Variants in PRDM6 observed in about 807,000 individuals in gnomAD.
PRDM6 encodes PR/SET domain 6.
In PRDM6, 25 loss-of-function variants were observed where a neutral mutation model predicts 60.8. The ratio of observed to expected loss-of-function variants is 0.41; its 90% confidence interval spans 0.30 to 0.57. The LOEUF is 0.57. Among genes scored for constraint, PRDM6 ranks in the 20% least tolerant of loss-of-function variants. PRDM6 has a pLI of 0.27. For synonymous variants in PRDM6, 407 were observed against 357.4 expected, an observed-to-expected ratio of 1.14 and a Z score of -1.57; for missense variants, 839 against 821.3, an observed-to-expected ratio of 1.02 and a Z score of -0.26.
At position 123,112,359 on chromosome 5, in the gene PRDM6, A is replaced by C. The variant is rs1011923438; in HGVS notation, c.900+12398A>C. ...CAGTCCTATATCATATGGAGAACCC[A>C]TATGTTCCTTGCATGACATTTGTGA... On this transcript the variant is annotated intron_variant, in intron 3 of 7. Coordinates refer to ENST00000407847, the MANE Select transcript of PRDM6 (RefSeq NM_001136239.4). Among the ~76,000 whole-genome samples, 3 of 152,156 alleles carry C rather than the reference A, an allele frequency of 2.0e-5. No individual in the cohort carries two copies. The South Asian group carries it at 6.2e-4, about 32-fold the overall frequency.
chr5:123,111,419 C>T (rs1302501117), intron 3 of PRDM6, among the ~76,000 whole-genome samples: 5 of 152,214 alleles, frequency 3.3e-5, no homozygotes, highest in African/African-American at 1.2e-4. Flanking sequence ...AAAACGCCGG[C>T]AGGGCGCGGT....
At chr5:123,119,844 G>A (rs1476292608) in intron 3 of PRDM6, among the ~76,000 whole-genome samples, 1 of 152,184 alleles carries the variant, frequency 6.6e-6, no homozygotes, top group Non-Finnish European at 1.5e-5. Flanking sequence ...GTCAAGCTAA[G>A]TAGACGCATT....
Position 123,090,310 on chromosome 5 carries a change from C to T in PRDM6, c.296C>T (p.Ala99Val). 1 of 1,373,756 alleles carries T rather than the reference C, an allele frequency of 7.3e-7. No individual in the cohort carries two copies. Among genetic ancestry groups the T allele is most frequent in the Non-Finnish European group, 9.6e-7 (1 of 1,042,588 alleles). The allele number at this position is 1,373,756 out of a possible 1,614,324, so 85.1% of individuals were successfully genotyped here. ...SASSASSCAA[A>V]AAAAALAGLS... is the part of the protein sequence containing the mutation. ...TCCTCCGCCTCCTCCTGCGCTGCTG[C>T]GGCCGCTGCCGCCGCGCTGGCTGGT... Residue 99 changes from alanine (A) to valine (V), a missense_variant, in exon 2 of 8, where the codon GCG becomes GTG. Ala to Val is a moderately conservative substitution (Grantham distance 64, BLOSUM62 0). Around this residue, in one of 2 missense-constraint regions of PRDM6, gnomAD observed 730 missense variants for 648.8 expected, o/e 1.13. Transcript: ENST00000407847.
intron 2 of PRDM6, among the ~76,000 whole-genome samples, chr5:123,096,744 A>G (rs1763968502): frequency 6.6e-6 from 1 of 152,230 alleles, no homozygotes; most frequent in South Asian, 2.1e-4. Context: ...TAATGCTACT[A>G]TTAAGTTTTT....
intron 3 of PRDM6, among the ~76,000 whole-genome samples, chr5:123,110,515 A>C (rs1310247091): frequency 6.7e-6 from 1 of 148,720 alleles, no homozygotes; most frequent in African/African-American, 2.5e-5. Context: ...AGCCTCCCAA[A>C]GTGTGGGATT....
At chr5:123,134,946 G>A (rs1232815128) in intron 3 of PRDM6, among the ~76,000 whole-genome samples, 1 of 150,220 alleles carries the variant, frequency 6.7e-6, no homozygotes, top group African/African-American at 2.5e-5. Context: ...CAGGCAATAA[G>A]GACAACCAGA....
chr5:123,116,034 C>A (rs1188976860), intron 3 of PRDM6, among the ~76,000 whole-genome samples: 1 of 152,184 alleles, frequency 6.6e-6, no homozygotes, highest in Non-Finnish European at 1.5e-5. Context: ...CAAGAGATTT[C>A]ATCACAACTG....
Position 123,120,580 on chromosome 5 carries a change from C to T in PRDM6, c.900+20619C>T, listed in dbSNP as rs539351106. Among the ~76,000 whole-genome samples, 3 of 152,276 alleles carry T rather than the reference C, an allele frequency of 2.0e-5. No homozygotes were observed. The East Asian group carries it at 5.8e-4, about 29-fold the overall frequency. ...GAAAAAATTTTAAATTCTCACAGCT[C>T]ACCATCCGGAGGCAAACTCTAAAAT... On this transcript the variant is annotated intron_variant, in intron 3 of 7. Transcript: ENST00000407847.
At chr5:123,160,327 A>G (rs1308399537) in intron 5 of PRDM6, among the ~76,000 whole-genome samples, 1 of 152,218 alleles carries the variant, frequency 6.6e-6, no homozygotes, top group Non-Finnish European at 1.5e-5. Flanking sequence ...CTGCTCTATC[A>G]GTTATTTGAA....
chr5:123,181,017 A>G (rs1004589671), intron 7 of PRDM6, among the ~76,000 whole-genome samples: 11 of 152,224 alleles, frequency 7.2e-5, no homozygotes, highest in African/African-American at 1.9e-4. Context: ...GTGTGTTTCT[A>G]CACATGGCAC....
intron 3 of PRDM6, among the ~76,000 whole-genome samples, chr5:123,115,856 C>A (rs935893723): frequency 2.6e-5 from 4 of 152,110 alleles, no homozygotes; most frequent in Non-Finnish European, 5.9e-5. Context: ...TTTCCCTGAT[C>A]CCTCTCTCCT....
chr5:123,136,503 A>G (rs540084045), intron 3 of PRDM6, among the ~76,000 whole-genome samples: 4 of 152,316 alleles, frequency 2.6e-5, no homozygotes, highest in African/African-American at 7.2e-5. Flanking sequence ...AAAAGAAAAA[A>G]TAACTTAATT....
chr5:123,126,997 G>C (rs1047272157), intron 3 of PRDM6, among the ~76,000 whole-genome samples: 1 of 151,872 alleles, frequency 6.6e-6, no homozygotes, highest in Non-Finnish European at 1.5e-5. Flanking sequence ...GAAAACCCTG[G>C]CTCCCAGAAC....
At chr5:123,143,506 G>T (rs143137024) in intron 3 of PRDM6, among the ~76,000 whole-genome samples, 8 of 152,226 alleles carry the variant, frequency 5.3e-5, no homozygotes, top group African/African-American at 1.7e-4. Context: ...ACAAAGGATC[G>T]GCAAACCTTG....
At chr5:123,094,659 G>A (rs1225740453) in intron 2 of PRDM6, among the ~76,000 whole-genome samples, 1 of 152,154 alleles carries the variant, frequency 6.6e-6, no homozygotes, top group Non-Finnish European at 1.5e-5. Flanking sequence ...GATGAAGGAT[G>A]AGGGGACAAG....
At chr5:123,094,063 G>A (rs1184831642) in intron 2 of PRDM6, among the ~76,000 whole-genome samples, 1 of 152,086 alleles carries the variant, frequency 6.6e-6, no homozygotes, top group African/African-American at 2.4e-5. Context: ...TGGGAGCGGG[G>A]CTTGAGGCTT....
chr5:123,111,122 G>T (rs1217199834), intron 3 of PRDM6, among the ~76,000 whole-genome samples: 1 of 152,162 alleles, frequency 6.6e-6, no homozygotes, highest in African/African-American at 2.4e-5. Context: ...GAGATTGGTT[G>T]CATAACGATG....
intron 3 of PRDM6, among the ~76,000 whole-genome samples, chr5:123,101,659 C>A (rs1476856516): frequency 2.0e-5 from 3 of 152,084 alleles, no homozygotes. Context: ...CCCTTTGATG[C>A]CTATCTATTT....
chr5:123,140,888 A>T (rs58844626), intron 3 of PRDM6, among the ~76,000 whole-genome samples: 14,378 of 152,056 alleles, frequency 0.095, 1,032 homozygotes, highest in African/African-American at 0.21. Context: ...AGGTATTATT[A>T]TTTTTAAAGT....
Sources: gnomAD v4.1 joint callset for allele counts (sites outside exome capture counted in the v4.1 genomes callset) on GRCh38, gnomAD v4.1.1 for gene constraint, gnomAD v4.1.1 regional missense constraint, MANE v1.5 for transcripts, NCBI Gene and HGNC (gene_info 2026-07-23, HGNC 2026-07-21) for gene names.